CGRRF1: variants seen among roughly 807,000 people sequenced by gnomAD.
CGRRF1 encodes the protein cell growth regulator with RING finger domain protein 1.
In CGRRF1, 32 loss-of-function variants were observed where a neutral mutation model predicts 37.2. The observed-to-expected ratio is 0.86, with a 90% confidence interval of 0.65 to 1.16. The LOEUF (loss-of-function observed/expected upper bound fraction) is 1.16. Among genes scored for constraint, CGRRF1 ranks in the 50% most tolerant of loss-of-function variants. The pLI, the probability that CGRRF1 is intolerant of heterozygous loss-of-function variation, is 0.00. For synonymous variants in CGRRF1, 141 were observed against 140.3 expected (o/e 1.00, Z -0.04); for missense variants, 391 against 382.6 (o/e 1.02, Z -0.18).
chr14:54,509,956 C>A lies in CGRRF1; in HGVS notation c.-4C>A, dbSNP rs764789300. The A allele has an allele frequency of 2.7e-5, 44 of 1,609,748 alleles. No homozygotes were observed. The highest frequency in any genetic ancestry group is 3.5e-5 in the Non-Finnish European group (41 of 1,176,148). On this transcript the variant is annotated 5_prime_UTR_variant, in exon 1 of 6. Transcript: ENST00000216420. ...AGCCGGGCTCTACCCAGAGCAAGACCCTGATGGCTGCGGTGTTTCTGGTAA... is the reference window on the plus strand; with the variant it reads ...AGCCGGGCTCTACCCAGAGCAAGACACTGATGGCTGCGGTGTTTCTGGTAA...
chr14:54,519,060 A>G (rs1316550387), intron 1 of CGRRF1, among the ~76,000 whole-genome samples: 1 of 152,034 alleles, frequency 6.6e-6, no homozygotes. Flanking sequence ...CTCCTGCCTC[A>G]GCCTCCCAAG....
intron 2 of CGRRF1, among the ~76,000 whole-genome samples, chr14:54,522,876 A>G (rs2032345700): frequency 6.6e-6 from 1 of 152,246 alleles, no homozygotes; most frequent in African/African-American, 2.4e-5. Flanking sequence ...TTAGGACACT[A>G]TGCCATTTTT....
chr14:54,537,582 C>T (rs1436247614), intron 4 of CGRRF1, 140 bp from the exon 5 acceptor site: 2 of 870,584 alleles, frequency 2.3e-6, no homozygotes, highest in Non-Finnish European at 3.1e-6. Context: ...TCTAATTTAT[C>T]AGCCTTTTAT....
intron 4 of CGRRF1, chr14:54,536,778 ATATT>A (rs1026561145): frequency 2.6e-5 from 4 of 152,120 alleles, no homozygotes; most frequent in Admixed American, 1.3e-4. Flanking sequence ...CACCTTGTGA[ATATT>A]TATTCTAGTT....
Position 54,513,414 on chromosome 14 carries a change from T to C in CGRRF1, c.104+3351T>C, listed in dbSNP as rs891737298. ...GTGAGAAGTGAGATAGGTGCTTCTTTGTTCACTGGAGCACTGACAGAAAGC... is the reference window on the plus strand; with the variant it reads ...GTGAGAAGTGAGATAGGTGCTTCTTCGTTCACTGGAGCACTGACAGAAAGC... On this transcript the variant is annotated intron_variant, in intron 1 of 5. Transcript: ENST00000216420. Among the ~76,000 whole-genome samples, 5 of 152,352 alleles carry C rather than the reference T, an allele frequency of 3.3e-5. No homozygotes were observed. In the South Asian group the frequency reaches 1.0e-3, roughly 32 times the overall value.
chr14:54,523,210 C>T (rs2032352529), intron 2 of CGRRF1: 1 of 154,586 alleles, frequency 6.5e-6, no homozygotes, highest in South Asian at 2.0e-4. Flanking sequence ...TCAGATGATC[C>T]ACCCACCTCA....
intron 2 of CGRRF1, among the ~76,000 whole-genome samples, chr14:54,526,606 A>G (rs1048180678): frequency 6.6e-6 from 1 of 152,152 alleles, no homozygotes; most frequent in Admixed American, 6.5e-5. Context: ...TGTCTCCAAT[A>G]TAGAGTCTTT....
At chr14:54,524,548 G>T (rs1366540453) in intron 2 of CGRRF1, among the ~76,000 whole-genome samples, 1 of 151,314 alleles carries the variant, frequency 6.6e-6, no homozygotes, top group Non-Finnish European at 1.5e-5. Context: ...ACCGTGCCTG[G>T]CTAAATAAAA....
intron 1 of CGRRF1, among the ~76,000 whole-genome samples, chr14:54,520,209 C>T (rs886667249): frequency 6.6e-6 from 1 of 152,044 alleles, no homozygotes; most frequent in Non-Finnish European, 1.5e-5. Context: ...CCCAGGTTCA[C>T]GCCATTCTCC....
rs2140064725 is a variant in CGRRF1 at position 54,530,954 on chromosome 14, T to C, written c.474T>C (p.Thr158=). Residue 158 remains threonine, a synonymous_variant, in exon 4 of 6, where the codon ACT becomes ACC. Coordinates refer to ENST00000216420, the MANE Select transcript of CGRRF1 (RefSeq NM_006568.3). ...TATATTGCCAGTTACCAAGAGATAC[T>C]AAAATTGAAGACTTTGGTACAGTAC... The part of the protein sequence containing the change: ...EEIYCQLPRD[T]KIEDFGTVPR... 2 of 1,600,778 alleles carry C rather than the reference T, an allele frequency of 1.2e-6. No individual in the cohort carries two copies. The highest frequency in any genetic ancestry group is 4.5e-5 in the East Asian group (2 of 44,762).
chr14:54,522,692 A>G (rs1407777121), intron 2 of CGRRF1, 99 bp downstream of exon 2: 5 of 1,154,374 alleles, frequency 4.3e-6, no homozygotes, highest in Non-Finnish European at 6.2e-6. Flanking sequence ...TTAGACTTTT[A>G]ACAAACATTT....
Position 54,522,587 on chromosome 14 carries a change from A to G in CGRRF1, c.238A>G (p.Ile80Val), listed in dbSNP as rs773143538. The change falls in exon 2 of 6, where the codon ATT becomes GTT. Residue 80 changes from isoleucine (I) to valine (V), a missense_variant. Ile to Val is a conservative substitution (Grantham distance 29, BLOSUM62 3). Coordinates refer to ENST00000216420, the MANE Select transcript of CGRRF1 (RefSeq NM_006568.3). ...LEITNPSSASITTGITLTTDC... is the reference protein window; with the variant it reads ...LEITNPSSASVTTGITLTTDC... ...GATCACTAATCCATCTTCAGCTTCAATTACAAGTTGGTGGCTGTTTTCCAA... is the reference window on the plus strand; with the variant it reads ...GATCACTAATCCATCTTCAGCTTCAGTTACAAGTTGGTGGCTGTTTTCCAA... 1 of 1,581,826 alleles carries G rather than the reference A, an allele frequency of 6.3e-7. No homozygotes were observed. The highest frequency in any genetic ancestry group is 1.7e-4 in the Middle Eastern group (1 of 5,926).
At chr14:54,513,122 C>A (rs542065430) in intron 1 of CGRRF1, among the ~76,000 whole-genome samples, 2 of 152,272 alleles carry the variant, frequency 1.3e-5, no homozygotes, top group Admixed American at 1.3e-4. Context: ...TGGACCCTGA[C>A]TGATAAAGAA....
Position 54,537,539 on chromosome 14 carries a change from G to C in CGRRF1, c.571-183G>C, listed in dbSNP as rs576108137. The C allele has an allele frequency of 4.0e-3, 2,112 of 526,580 alleles. 14 individuals carry two copies. The highest frequency in any genetic ancestry group is 0.015 in the South Asian group (233 of 15,652). 32.6% of individuals were successfully genotyped at this position (526,580 alleles called of 1,614,324 possible). ...TATGTCAGTAACTGATTCCTCTGCA[G>C]TGATTATGATTTAATCAGATTGACG... On this transcript the variant is annotated intron_variant, in intron 4 of 5. Coordinates refer to ENST00000216420, the MANE Select transcript of CGRRF1 (RefSeq NM_006568.3).
rs138976869 is a variant in CGRRF1 at position 54,525,911 on chromosome 14, C to G, written c.244+3318C>G. ...AGGAGTTCAAGACCAGCCTGGCCAACATGGCGAAACCTCATCTCTACTAAA... is the reference window on the plus strand; with the variant it reads ...AGGAGTTCAAGACCAGCCTGGCCAAGATGGCGAAACCTCATCTCTACTAAA... On this transcript the variant is annotated intron_variant, in intron 2 of 5. Coordinates refer to ENST00000216420, the MANE Select transcript of CGRRF1 (RefSeq NM_006568.3). Among the ~76,000 whole-genome samples the G allele has an allele frequency of 1.9e-3, 289 of 152,132 alleles. 1 individual carries two copies. The highest frequency in any genetic ancestry group is 6.6e-3 in the African/African-American group (276 of 41,530).
intron 1 of CGRRF1, among the ~76,000 whole-genome samples, chr14:54,516,789 C>G (rs2032225262): frequency 6.6e-6 from 1 of 152,170 alleles, no homozygotes; most frequent in Non-Finnish European, 1.5e-5. Flanking sequence ...GTTAAGACTT[C>G]AGTTACATGG....
chr14:54,528,628 G>C (rs2032456710), intron 2 of CGRRF1, among the ~76,000 whole-genome samples: 1 of 152,038 alleles, frequency 6.6e-6, no homozygotes, highest in African/African-American at 2.4e-5. Flanking sequence ...GTGTGATTTT[G>C]TATGTGTGTG....
chr14:54,522,533 A>G lies in CGRRF1; in HGVS notation c.184A>G (p.Arg62Gly). The part of the protein sequence containing the change: ...FSTRVFKKQM[R>G]QVKNPFGLEI... ...CACAAGAGTTTTCAAAAAGCAAATG[A>G]GACAAGTCAAGAATCCTTTTGGCTT... The change falls in exon 2 of 6, where the codon AGA becomes GGA. Residue 62 changes from arginine to glycine, a missense_variant. Coordinates refer to ENST00000216420, the MANE Select transcript of CGRRF1 (RefSeq NM_006568.3). 1 of 1,608,420 alleles carries G rather than the reference A, an allele frequency of 6.2e-7. No homozygotes were observed. Among genetic ancestry groups the G allele is most frequent in the Non-Finnish European group, 8.5e-7 (1 of 1,177,976 alleles).
At chr14:54,524,387 T>A (rs372213224) in intron 2 of CGRRF1, among the ~76,000 whole-genome samples, 12,562 of 146,558 alleles carry the variant, frequency 0.086, 585 homozygotes, top group African/African-American at 0.11. Flanking sequence ...AAATATATGT[T>A]TTTTTTTTTT....
Sources: allele counts gnomAD v4.1 joint callset (sites outside exome capture counted in the v4.1 genomes callset), GRCh38; gene constraint gnomAD v4.1.1; transcripts MANE v1.5; gene names NCBI Gene and HGNC (gene_info 2026-07-23, HGNC 2026-07-21).